The following IQCM variants were observed in gnomAD, a reference collection of about 807,000 sequenced individuals.
The protein encoded by IQCM is IQ motif containing M.
IQCM carries 45 observed loss-of-function variants against 57.6 expected under a neutral mutation model. That is an observed-to-expected ratio of 0.78 (90% confidence interval 0.62 to 1.00). The LOEUF (loss-of-function observed/expected upper bound fraction) is 1.00, where lower values mean the gene tolerates loss of function less well. Among genes scored for constraint, IQCM ranks in the 50% least tolerant of loss-of-function variants. The pLI, the probability that IQCM is intolerant of heterozygous loss-of-function variation, is 0.00. For synonymous variants in IQCM, 148 were observed against 158.9 expected (o/e 0.93, Z 0.51); for missense variants, 468 against 511.6 (o/e 0.91, Z 0.82).
intron 2 of IQCM, among the ~76,000 whole-genome samples, chr4:149,808,004 T>C (rs1265602411): frequency 1.3e-5 from 2 of 152,124 alleles, no homozygotes; most frequent in Non-Finnish European, 2.9e-5. Context: ...TGAAGAATGG[T>C]ATGGAAGTTT....
At chr4:149,480,604 T>G (rs1384680687) in intron 12 of IQCM, among the ~76,000 whole-genome samples, 2 of 152,202 alleles carry the variant, frequency 1.3e-5, no homozygotes, top group Non-Finnish European at 2.9e-5. Context: ...TTCTTTCTTA[T>G]AGTTGAATAC....
At chr4:149,560,419 T>C (rs1037876375) in intron 10 of IQCM, among the ~76,000 whole-genome samples, 40 of 152,268 alleles carry the variant, frequency 2.6e-4, no homozygotes, top group African/African-American at 9.6e-4. Context: ...AGCAATAGAA[T>C]ATATTTAATT....
At chr4:149,383,004 A>AAAG (rs1272367861) in intron 13 of IQCM, among the ~76,000 whole-genome samples, 1 of 151,940 alleles carries the variant, frequency 6.6e-6, no homozygotes, top group African/African-American at 2.4e-5. Flanking sequence ...AAAAAAAAAA[A>AAAG]AAAAGAAAAA....
chr4:149,417,620 G>T (rs999494895), intron 13 of IQCM, among the ~76,000 whole-genome samples: 4 of 152,044 alleles, frequency 2.6e-5, no homozygotes, highest in Non-Finnish European at 5.9e-5. Flanking sequence ...GTGCATCACA[G>T]ATTGGTATAT....
intron 7 of IQCM, among the ~76,000 whole-genome samples, chr4:149,624,204 G>A (rs1167850301): frequency 1.3e-5 from 2 of 151,780 alleles, no homozygotes; most frequent in Non-Finnish European, 2.9e-5. Context: ...ATTAGAACCC[G>A]ATTTGGCATT....
intron 2 of IQCM, among the ~76,000 whole-genome samples, chr4:149,797,293 A>C (rs1182681295): frequency 6.6e-6 from 1 of 152,136 alleles, no homozygotes; most frequent in Non-Finnish European, 1.5e-5. Flanking sequence ...ACTGCACCAG[A>C]GTTCTTTAGT....
At chr4:149,399,475 G>GAAA (rs1235433272) in intron 13 of IQCM, among the ~76,000 whole-genome samples, 2 of 151,494 alleles carry the variant, frequency 1.3e-5, no homozygotes, top group African/African-American at 4.8e-5. Flanking sequence ...AACAAAACAA[G>GAAA]AAAAAAAGAG....
At chr4:149,505,492 A>C (rs1343194288) in intron 12 of IQCM, among the ~76,000 whole-genome samples, 3 of 152,178 alleles carry the variant, frequency 2.0e-5, no homozygotes, top group Admixed American at 6.6e-5. Flanking sequence ...TATTTTTTAA[A>C]ATGTTGCTCT....
At chr4:149,360,357 G>A (rs1378502897) in intron 13 of IQCM, among the ~76,000 whole-genome samples, 1 of 152,186 alleles carries the variant, frequency 6.6e-6, no homozygotes, top group African/African-American at 2.4e-5. Context: ...AAGTATCCAA[G>A]AGGACAGGTG....
At chr4:149,519,441 G>A (rs1745360308) in intron 12 of IQCM, among the ~76,000 whole-genome samples, 1 of 151,940 alleles carries the variant, frequency 6.6e-6, no homozygotes, top group South Asian at 2.1e-4. Flanking sequence ...CTAACACAGT[G>A]AAACCCCGTC....
chr4:149,599,003 C>CATAT (rs34124837), intron 8 of IQCM, among the ~76,000 whole-genome samples: 2 of 151,248 alleles, frequency 1.3e-5, no homozygotes, highest in African/African-American at 4.9e-5. Context: ...GACTGGATGG[C>CATAT]ATATATATAT....
chr4:149,481,701 G>GTTTTTTTTTTTTTGTTTTTTTTTTTTT (rs1740834048), intron 12 of IQCM, among the ~76,000 whole-genome samples: 1 of 51,550 alleles, frequency 1.9e-5, no homozygotes, highest in Non-Finnish European at 3.7e-5. Context: ...TTCCAGTTTT[G>GTTTTTTTTTTTTTGTTTTTTTTTTTTT]TTTTTTTTTT....
chr4:149,450,170 A>G (rs1736954389), intron 12 of IQCM, among the ~76,000 whole-genome samples: 1 of 151,908 alleles, frequency 6.6e-6, no homozygotes, highest in African/African-American at 2.4e-5. Flanking sequence ...AGAAGAATGA[A>G]GCAAGACCCC....
Position 149,733,334 on chromosome 4 carries a change from G to T in IQCM, c.295C>A (p.Leu99Ile). 6 of 1,231,768 alleles carry T rather than the reference G, an allele frequency of 4.9e-6. No homozygotes were observed. Among genetic ancestry groups the T allele is most frequent in the Non-Finnish European group, 6.1e-6 (6 of 987,750 alleles). The allele number at this position is 1,231,768 out of a possible 1,614,324, so 76.3% of individuals were successfully genotyped here. Residue 99 changes from leucine (L) to isoleucine (I), a missense_variant, in exon 5 of 14, where the codon CTT (leucine) becomes ATT (isoleucine). Transcript: ENST00000636793. ...GAGATTCGTTGTGGGGGTTCCTGAA[G>T]ATGCTCGCTTTTGGAAAGCTCCTTG... ...FPKELSKSEH[L>I]QEPPQRISFK...
chr4:149,438,449 G>A (rs1462764264), intron 12 of IQCM, among the ~76,000 whole-genome samples: 2 of 151,962 alleles, frequency 1.3e-5, no homozygotes, highest in African/African-American at 2.4e-5. Flanking sequence ...TTGAAGTGGT[G>A]GACAAATAAT....
At chr4:149,653,391 G>T (rs542897880) in intron 7 of IQCM, among the ~76,000 whole-genome samples, 2 of 152,278 alleles carry the variant, frequency 1.3e-5, no homozygotes, top group South Asian at 4.1e-4. Context: ...GCAAGGTCCT[G>T]TGTGATTGCA....
intron 6 of IQCM, among the ~76,000 whole-genome samples, chr4:149,686,089 A>G (rs971126387): frequency 6.6e-6 from 1 of 151,606 alleles, no homozygotes; most frequent in Non-Finnish European, 1.5e-5. Context: ...ATCATAAAAT[A>G]TGGCATTTTT....
chr4:149,456,088 A>C (rs1737674053), intron 12 of IQCM, among the ~76,000 whole-genome samples: 1 of 152,144 alleles, frequency 6.6e-6, no homozygotes, highest in Non-Finnish European at 1.5e-5. Flanking sequence ...AAAAGCATAC[A>C]AATTTACTTA....
Position 149,496,489 on chromosome 4 carries a change from T to C in IQCM, c.1228+51966A>G, listed in dbSNP as rs112450924. 3.2e-3 allele frequency among the ~76,000 whole-genome samples: 487 copies of C among 151,844 alleles called. 1 individual carries two copies. The highest frequency in any genetic ancestry group is 5.2e-3 in the Non-Finnish European group (352 of 67,902). ...TAAGAGAGAGGCAGGAGAGTCAGAG[T>C]CAGAGGAGAGGAAAAGATGAAAGCA... is the stretch of plus-strand genomic sequence containing the variant. On this transcript the variant is annotated intron_variant, in intron 12 of 13. Transcript: ENST00000636793.
Sources: gnomAD v4.1 joint callset for allele counts (sites outside exome capture counted in the v4.1 genomes callset) on GRCh38, gnomAD v4.1.1 for gene constraint, MANE v1.5 for transcripts, NCBI Gene and HGNC (gene_info 2026-07-23, HGNC 2026-07-21) for gene names.